Variants in AMER2 observed in about 807,000 individuals in gnomAD.
AMER2 encodes the protein family with sequence similarity 123A.
A neutral mutation model predicts 4.7 loss-of-function variants in AMER2; 1 was observed. That is an observed-to-expected ratio of 0.21 (90% CI 0.07 to 1.00). The LOEUF (loss-of-function observed/expected upper bound fraction) is 1.00. Among genes scored for constraint, AMER2 ranks in the 50% least tolerant of loss-of-function variants. The probability of loss-of-function intolerance (pLI) is 0.60; values close to 1 mark genes in which losing one functional copy is unlikely to be tolerated. For missense variants in AMER2, 988 were observed against 966.9 expected (o/e 1.02, Z -0.29); for synonymous variants, 485 against 433.3 (o/e 1.12, Z -1.48).
In AMER2 at chr13:25,161,752, A is replaced by G. The variant is rs558724872; in HGVS notation, c.*7852T>C. On this transcript the variant is annotated 3_prime_UTR_variant, in exon 1 of 1. Coordinates refer to ENST00000515384, the MANE Select transcript of AMER2 (RefSeq NM_152704.4). Reference sequence around the variant, plus strand: ...ACAACAGTAAAATGGCAGTGTTGTAATTTCATTTTCAGATGTTTGAATGGA... The same window carrying G: ...ACAACAGTAAAATGGCAGTGTTGTAGTTTCATTTTCAGATGTTTGAATGGA... The G allele has an allele frequency of 3.5e-4, 53 of 152,370 alleles. No individual in the cohort carries two copies. The East Asian group carries it at 6.7e-3, about 19-fold the overall frequency. 9.4% of individuals were successfully genotyped at this position (152,370 alleles called of 1,614,324 possible). A position where few individuals can be genotyped will look rare whatever the true frequency, so the allele number is the denominator to read the frequency against.
chr13:25,169,722 T>C lies in AMER2; in HGVS notation c.1898A>G (p.Glu633Gly). The C allele has an allele frequency of 6.2e-7, 1 of 1,614,182 alleles. No individual in the cohort carries two copies. The highest frequency in any genetic ancestry group is 8.5e-7 in the Non-Finnish European group (1 of 1,180,034). ...AACCGGGATTTTTGTTCTGGGCATC[T>C]CACTCCTGGAGGGTTGCTGGTGCAC... is the stretch of plus-strand genomic sequence containing the variant. Reference protein sequence around the residue: ...PVVHQQPSRSEMPRTKIPVSK... With the variant: ...PVVHQQPSRSGMPRTKIPVSK... Residue 633 changes from glutamate to glycine, a missense_variant, in exon 1 of 1, where the codon GAG becomes GGG. Physicochemically the swap from Glu to Gly is moderately conservative, Grantham distance 98. Transcript: ENST00000515384. The surrounding 1 kb of genome is among the most constrained non-coding windows in gnomAD (Gnocchi z 4.2).
In AMER2 at chr13:25,171,455, G is replaced by A; in HGVS notation, c.165C>T (p.Ala55=). The A allele has an allele frequency of 1.2e-6, 2 of 1,611,420 alleles. No homozygotes were observed. Among genetic ancestry groups the A allele is most frequent in the East Asian group, 2.2e-5 (1 of 44,698 alleles). ...LHCDCAAETP[A]AEPPSGKINK... Reference sequence around the variant, plus strand: ...TAATCTTCCCCGACGGCGGCTCGGCGGCCGGCGTTTCGGCGGCACAGTCAC... The same window carrying A: ...TAATCTTCCCCGACGGCGGCTCGGCAGCCGGCGTTTCGGCGGCACAGTCAC... The change falls in exon 1 of 1, where the codon GCC becomes GCT. Residue 55 remains alanine (A), a synonymous_variant. Coordinates refer to ENST00000515384, the MANE Select transcript of AMER2 (RefSeq NM_152704.4). The surrounding 1 kb of genome is among the most constrained non-coding windows in gnomAD (Gnocchi z 5.9).
In AMER2 at chr13:25,171,511, C is replaced by A. The variant is rs753516298; in HGVS notation, c.109G>T (p.Gly37Trp). 1.2e-6 allele frequency: 2 copies of A among 1,601,046 alleles called. No individual in the cohort carries two copies. Among genetic ancestry groups the A allele is most frequent in the Non-Finnish European group, 1.7e-6 (2 of 1,177,212 alleles). ...AAGTCCATGTCTGCCGCGAGGGTCC[C>A]GGTCCCGGCCCCGGCCTCCGCCTTC... ...RRKAEAGAGT[G>W]TLAADMDLHC... Residue 37 changes from glycine to tryptophan, a missense_variant, in exon 1 of 1, where the codon GGG (glycine) becomes TGG (tryptophan). Physicochemically the swap from Gly to Trp is radical, Grantham distance 184. Coordinates refer to ENST00000515384, the MANE Select transcript of AMER2 (RefSeq NM_152704.4). The surrounding 1 kb of genome is among the most constrained non-coding windows in gnomAD (Gnocchi z 5.9).
At position 25,165,149 on chromosome 13, in the gene AMER2, T is replaced by A. The variant is rs1247956661; in HGVS notation, c.*4455A>T. On this transcript the variant is annotated 3_prime_UTR_variant, in exon 1 of 1. Transcript: ENST00000515384. Reference sequence around the variant, plus strand: ...GTAATCACGAAACTATCATTCTGAATCACCTCTTAAAAACATCATCTGCAG... The same window carrying A: ...GTAATCACGAAACTATCATTCTGAAACACCTCTTAAAAACATCATCTGCAG... The A allele has an allele frequency of 6.6e-6, 1 of 152,280 alleles. No homozygotes were observed. Among genetic ancestry groups the A allele is most frequent in the Non-Finnish European group, 1.5e-5 (1 of 68,052 alleles). The allele number at this position is 152,280 out of a possible 1,614,324, so 9.4% of individuals were successfully genotyped here.
At position 25,170,649 on chromosome 13, in the gene AMER2, G is replaced by A. The variant is rs751753513; in HGVS notation, c.971C>T (p.Ala324Val). ...RTAEDASRTG[A>V]VPVKTVPLVD... ...AAGGGGGACCGTCTTTACGGGAACG[G>A]CCCCCGTCCTGGAAGCGTCCTCTGC... The change falls in exon 1 of 1, where the codon GCC becomes GTC. Residue 324 changes from alanine (A) to valine (V), a missense_variant. Transcript: ENST00000515384. This position sits in a 1 kb window ranked among gnomAD's most constrained non-coding sequence, Gnocchi z 7.3. 16 of 1,552,428 alleles carry A rather than the reference G, an allele frequency of 1.0e-5. No individual in the cohort carries two copies. In the South Asian group the frequency reaches 1.9e-4, roughly 18 times the overall value.
chr13:25,170,426 C>G lies in AMER2; in HGVS notation c.1194G>C (p.Lys398Asn). The change falls in exon 1 of 1, where the codon AAG (lysine) becomes AAC (asparagine). Residue 398 changes from lysine (K) to asparagine (N), a missense_variant. Transcript: ENST00000515384. The surrounding 1 kb of genome is among the most constrained non-coding windows in gnomAD (Gnocchi z 7.3). ...CCGGCTTGCCTGGCCCGGGGACATG[C>G]TTGTCACAGCTGGGACCTGCCTCTT... ...QEEEAGPSCD[K>N]HVPGPGKPAL... 1 of 1,614,172 alleles carries G rather than the reference C, an allele frequency of 6.2e-7. No homozygotes were observed. Among genetic ancestry groups the G allele is most frequent in the Non-Finnish European group, 8.5e-7 (1 of 1,180,026 alleles).
At position 25,165,364 on chromosome 13, in the gene AMER2, GC is replaced by G. The variant is rs1956464981; in HGVS notation, c.*4239del. 6.6e-6 allele frequency: 1 copy of G among 152,290 alleles called. No individual in the cohort carries two copies. The highest frequency in any genetic ancestry group is 6.5e-5 in the Admixed American group (1 of 15,286). The allele number at this position is 152,290 out of a possible 1,614,324, so 9.4% of individuals were successfully genotyped here. A position where few individuals can be genotyped will look rare whatever the true frequency, so the allele number is the denominator to read the frequency against. ...TACACGCTGCACTGACAATGTCACA[GC>G]TCGCTTCTGCCTGTGAACTACACCC... On this transcript the variant is annotated 3_prime_UTR_variant, in exon 1 of 1. Coordinates refer to ENST00000515384, the MANE Select transcript of AMER2 (RefSeq NM_152704.4).
rs1210380349 is a variant in AMER2, at chr13:25,171,219, C to T, written c.401G>A (p.Gly134Glu). The change falls in exon 1 of 1, where the codon GGG (glycine) becomes GAG (glutamate). Residue 134 changes from glycine to glutamate, a missense_variant. By Grantham distance (98) the Gly-to-Glu change is moderately conservative (BLOSUM62 -2). Coordinates refer to ENST00000515384, the MANE Select transcript of AMER2 (RefSeq NM_152704.4). This position sits in a 1 kb window ranked among gnomAD's most constrained non-coding sequence, Gnocchi z 5.9. ...RGGGDSGGGG[G>E]GRPNPGPPRA... Reference sequence around the variant, plus strand: ...GGGGGGCCCCGGGTTCGGCCGCCCCCCGCCGCCCCCGCCGCTGTCGCCCCC... The same window carrying T: ...GGGGGGCCCCGGGTTCGGCCGCCCCTCGCCGCCCCCGCCGCTGTCGCCCCC... 3 of 1,371,560 alleles carry T rather than the reference C, an allele frequency of 2.2e-6. No homozygotes were observed. The highest frequency in any genetic ancestry group is 2.8e-6 in the Non-Finnish European group (3 of 1,067,552). 85.0% of individuals were successfully genotyped at this position (1,371,560 alleles called of 1,614,324 possible).
Position 25,167,494 on chromosome 13 carries a change from T to C in AMER2, c.*2110A>G, listed in dbSNP as rs1321755786. ...TTTCCAGATCTAGAGTAGATGTCTT[T>C]TGTCTGTTAGTCTGTACACAGTTGA... On this transcript the variant is annotated 3_prime_UTR_variant, in exon 1 of 1. Coordinates refer to ENST00000515384, the MANE Select transcript of AMER2 (RefSeq NM_152704.4). The C allele has an allele frequency of 6.6e-6, 1 of 152,224 alleles. No homozygotes were observed. Among genetic ancestry groups the C allele is most frequent in the Non-Finnish European group, 1.5e-5 (1 of 68,010 alleles). 9.4% of individuals were successfully genotyped at this position (152,224 alleles called of 1,614,324 possible). A position where few individuals can be genotyped will look rare whatever the true frequency, so the allele number is the denominator to read the frequency against.
rs1258949200 is a variant in AMER2, at chr13:25,172,239, C to G, written c.-620G>C. ...ACACGCCACCACTCAATCAGTCTAT[C>G]AGCAGCCCAGCAATGCAAGCACAAC... On this transcript the variant is annotated 5_prime_UTR_variant, in exon 1 of 1. Transcript: ENST00000515384. 2 of 152,322 alleles carry G rather than the reference C, an allele frequency of 1.3e-5. No homozygotes were observed. The highest frequency in any genetic ancestry group is 2.4e-5 in the African/African-American group (1 of 41,452). The allele number at this position is 152,322 out of a possible 1,614,324, so 9.4% of individuals were successfully genotyped here.
rs1956480709 is a variant in AMER2 at position 25,166,477 on chromosome 13, A to T, written c.*3127T>A. The stretch of plus-strand genomic sequence containing the variant: ...AAATAACAGTGTATGTGTAATATAG[A>T]CATTCAAGTCAGGCTGTCTTTGTGC... On this transcript the variant is annotated 3_prime_UTR_variant, in exon 1 of 1. Coordinates refer to ENST00000515384, the MANE Select transcript of AMER2 (RefSeq NM_152704.4). The T allele has an allele frequency of 6.6e-6, 1 of 152,374 alleles. No homozygotes were observed. The highest frequency in any genetic ancestry group is 2.4e-5 in the African/African-American group (1 of 41,592). The allele number at this position is 152,374 out of a possible 1,614,324, so 9.4% of individuals were successfully genotyped here.
Position 25,170,894 on chromosome 13 carries a change from G to A in AMER2, c.726C>T (p.Pro242=), listed in dbSNP as rs1008291286. The A allele has an allele frequency of 1.4e-6, 2 of 1,469,924 alleles. No homozygotes were observed. The allele number at this position is 1,469,924 out of a possible 1,614,324, so 91.1% of individuals were successfully genotyped here. A position where few individuals can be genotyped will look rare whatever the true frequency, so the allele number is the denominator to read the frequency against. ...GCTCCTCCGGCTCGCGCGCGGCTCT[G>A]GGCGTCTCCTCCTTGACGCACTCCA... ...ASLECVKEET[P]RAAREPEEPS... Residue 242 remains proline, a synonymous_variant, in exon 1 of 1, where the codon CCC becomes CCT. Transcript: ENST00000515384. The surrounding 1 kb of genome is among the most constrained non-coding windows in gnomAD (Gnocchi z 7.3).
chr13:25,171,018 A>C lies in AMER2; in HGVS notation c.602T>G (p.Met201Arg), dbSNP rs1956563325. ...KRGLRGLFSGMRWHRKDKRAK... is the reference protein window; with the variant it reads ...KRGLRGLFSGRRWHRKDKRAK... ...CCGCTTGTCTTTCCTGTGCCAGCGC[A>C]TGCCGCTGAACAGCCCCCGCAGCCC... Residue 201 changes from methionine (M) to arginine (R), a missense_variant, in exon 1 of 1, where the codon ATG (methionine) becomes AGG (arginine). Transcript: ENST00000515384. The surrounding 1 kb of genome is among the most constrained non-coding windows in gnomAD (Gnocchi z 5.9). 2 of 1,569,324 alleles carry C rather than the reference A, an allele frequency of 1.3e-6. No individual in the cohort carries two copies. Among genetic ancestry groups the C allele is most frequent in the Non-Finnish European group, 1.7e-6 (2 of 1,159,318 alleles).
chr13:25,166,440 G>A lies in AMER2; in HGVS notation c.*3164C>T, dbSNP rs1022471246. 35 of 152,196 alleles carry A rather than the reference G, an allele frequency of 2.3e-4. No individual in the cohort carries two copies. The highest frequency in any genetic ancestry group is 3.8e-4 in the East Asian group (2 of 5,198). 9.4% of individuals were successfully genotyped at this position (152,196 alleles called of 1,614,324 possible). A position where few individuals can be genotyped will look rare whatever the true frequency, so the allele number is the denominator to read the frequency against. On this transcript the variant is annotated 3_prime_UTR_variant, in exon 1 of 1. Coordinates refer to ENST00000515384, the MANE Select transcript of AMER2 (RefSeq NM_152704.4). ...CGCATCAACCACCATCTGTACTAAA[G>A]CAGAGTGTTTCAAATAACAGTGTAT...
At position 25,169,648 on chromosome 13, in the gene AMER2, T is replaced by C. The variant is rs1476033902; in HGVS notation, c.1972A>G (p.Thr658Ala). 6.2e-7 allele frequency: 1 copy of C among 1,609,956 alleles called. No homozygotes were observed. Among genetic ancestry groups the C allele is most frequent in the East Asian group, 2.2e-5 (1 of 44,872 alleles). Residue 658 changes from threonine (T) to alanine (A), a missense_variant, in exon 1 of 1, where the codon ACC becomes GCC. Thr to Ala is a moderately conservative substitution (Grantham distance 58, BLOSUM62 0). Coordinates refer to ENST00000515384, the MANE Select transcript of AMER2 (RefSeq NM_152704.4). The surrounding 1 kb of genome is among the most constrained non-coding windows in gnomAD (Gnocchi z 4.2). ...TCGTGGCAGGCCGTTGCTCTGATGG[T>C]GGTCCCAGCCAAGCCCCGGTTGCTG... ...RVSNRGLAGT[T>A]IRATACHDSA...
rs552477379 is a variant in AMER2, at chr13:25,163,388, C to T, written c.*6216G>A. On this transcript the variant is annotated 3_prime_UTR_variant, in exon 1 of 1. Transcript: ENST00000515384. ...TCTTAAAGAGATATTTTCACTCCCT[C>T]GTTCGTTGTAGCATTACTCATAATA... is the stretch of plus-strand genomic sequence containing the variant. The T allele has an allele frequency of 5.9e-5, 9 of 152,312 alleles. No homozygotes were observed. Among genetic ancestry groups the T allele is most frequent in the East Asian group, 5.8e-4 (3 of 5,184 alleles). The allele number at this position is 152,312 out of a possible 1,614,324, so 9.4% of individuals were successfully genotyped here. A position where few individuals can be genotyped will look rare whatever the true frequency, so the allele number is the denominator to read the frequency against.
chr13:25,170,564 A>G lies in AMER2; in HGVS notation c.1056T>C (p.Asp352=). ...GATCTGCCGACGGGTCTGAGGGTGG[A>G]TCGACAGAGGCAGGGTCTGGGGCGG... The part of the protein sequence containing the change: ...APAAPDPASV[D]PPSDPSADRI... The change falls in exon 1 of 1, where the codon GAT becomes GAC. Residue 352 remains aspartate (D), a synonymous_variant. Coordinates refer to ENST00000515384, the MANE Select transcript of AMER2 (RefSeq NM_152704.4). This position sits in a 1 kb window ranked among gnomAD's most constrained non-coding sequence, Gnocchi z 7.3. The G allele has an allele frequency of 6.2e-7, 1 of 1,611,902 alleles. No homozygotes were observed. The highest frequency in any genetic ancestry group is 8.5e-7 in the Non-Finnish European group (1 of 1,178,924).
chr13:25,171,009 T>G lies in AMER2; in HGVS notation c.611A>C (p.His204Pro). Residue 204 changes from histidine to proline, a missense_variant, in exon 1 of 1, where the codon CAC becomes CCC. Transcript: ENST00000515384. This position sits in a 1 kb window ranked among gnomAD's most constrained non-coding sequence, Gnocchi z 5.9. ...LRGLFSGMRWHRKDKRAKAEA... is the reference protein window; with the variant it reads ...LRGLFSGMRWPRKDKRAKAEA... ...CGCCTTGGCCCGCTTGTCTTTCCTG[T>G]GCCAGCGCATGCCGCTGAACAGCCC... The G allele has an allele frequency of 6.4e-7, 1 of 1,568,220 alleles. No individual in the cohort carries two copies.
rs1566011826 is a variant in AMER2 at position 25,163,841 on chromosome 13, CA to C, written c.*5762del. 6.6e-6 allele frequency: 1 copy of C among 152,188 alleles called. No homozygotes were observed. Among genetic ancestry groups the C allele is most frequent in the East Asian group, 1.9e-4 (1 of 5,206 alleles). The allele number at this position is 152,188 out of a possible 1,614,324, so 9.4% of individuals were successfully genotyped here. On this transcript the variant is annotated 3_prime_UTR_variant, in exon 1 of 1. Coordinates refer to ENST00000515384, the MANE Select transcript of AMER2 (RefSeq NM_152704.4). ...AGAAGGTAACCCGGGCGTGGTGGCT[CA>C]TTGCCTGTAATCCCAACACTTTGGA...
Sources: gnomAD v4.1 joint callset for allele counts on GRCh38, gnomAD v4.1.1 for gene constraint, Gnocchi (gnomAD v3.1) non-coding constraint, MANE v1.5 for transcripts, NCBI Gene and HGNC (gene_info 2026-07-23, HGNC 2026-07-21) for gene names.